IPCEF1: variants seen among roughly 807,000 people sequenced by gnomAD.
The protein encoded by IPCEF1 is interaction protein for cytohesin exchange factors 1.
IPCEF1 carries 31 observed loss-of-function variants against 50.9 expected under a neutral mutation model. That is an observed-to-expected ratio of 0.61 (90% CI 0.46 to 0.82). The LOEUF (loss-of-function observed/expected upper bound fraction) is 0.82. IPCEF1 is among the 40% of genes least tolerant of loss of function. IPCEF1 has a pLI of 0.00. For missense variants in IPCEF1, 458 were observed against 514.0 expected, an observed-to-expected ratio of 0.89 and a Z score of 1.05; for synonymous variants, 181 against 192.0, an observed-to-expected ratio of 0.94 and a Z score of 0.47.
chr6:154,243,946 G>T (rs1780808208), intron 5 of IPCEF1, among the ~76,000 whole-genome samples: 1 of 152,196 alleles, frequency 6.6e-6, no homozygotes. Flanking sequence ...TTGGCCTAGA[G>T]TAGACACTAA....
chr6:154,308,595 T>TTATAGATAAACGATGAATAAA (rs1487076873), intron 1 of IPCEF1, among the ~76,000 whole-genome samples: 1 of 152,192 alleles, frequency 6.6e-6, no homozygotes, highest in African/African-American at 2.4e-5. Flanking sequence ...TAAACATCGT[T>TTATAGATAAACGATGAATAAA]CTTTCAGCAA....
chr6:154,199,116 G>C (rs543185855), intron 10 of IPCEF1, among the ~76,000 whole-genome samples: 1 of 152,130 alleles, frequency 6.6e-6, no homozygotes, highest in African/African-American at 2.4e-5. Flanking sequence ...TTTTCTGAAC[G>C]CATGAGTTGT....
intron 3 of IPCEF1, among the ~76,000 whole-genome samples, chr6:154,253,589 G>A (rs1420061057): frequency 6.6e-6 from 1 of 152,104 alleles, no homozygotes; most frequent in East Asian, 1.9e-4. Flanking sequence ...TAACAATTTT[G>A]TATAACTTCC....
At chr6:154,287,714 C>A (rs1338441801) in intron 2 of IPCEF1, among the ~76,000 whole-genome samples, 1 of 152,190 alleles carries the variant, frequency 6.6e-6, no homozygotes, top group Non-Finnish European at 1.5e-5. Flanking sequence ...ACAAGCCATG[C>A]TCTTACTAGA....
rs149887206 is a variant in IPCEF1 at position 154,260,019 on chromosome 6, G to A, written c.36+5893C>T. Among the ~76,000 whole-genome samples, 106 of 152,348 alleles carry A rather than the reference G, an allele frequency of 7.0e-4. 1 individual carries two copies. In the East Asian group the frequency reaches 9.4e-3, roughly 14 times the overall value. On this transcript the variant is annotated intron_variant, in intron 3 of 11. Coordinates refer to ENST00000367220, the MANE Select transcript of IPCEF1 (RefSeq NM_001130700.2). Reference sequence around the variant, plus strand: ...TTCACACGACGAGCACGGAGATGGAGTGAGCGGTGAGACATGCATGTTTCA... The same window carrying A: ...TTCACACGACGAGCACGGAGATGGAATGAGCGGTGAGACATGCATGTTTCA...
chr6:154,186,853 G>A (rs1294537104), intron 10 of IPCEF1, among the ~76,000 whole-genome samples: 1 of 151,978 alleles, frequency 6.6e-6, no homozygotes, highest in Non-Finnish European at 1.5e-5. Flanking sequence ...ACCACGCCCG[G>A]CCCAGAGCAG....
chr6:154,238,484 T>C (rs559804653), intron 5 of IPCEF1, among the ~76,000 whole-genome samples: 1 of 152,282 alleles, frequency 6.6e-6, no homozygotes, highest in East Asian at 1.9e-4. Flanking sequence ...CAGGCTGGTC[T>C]CAAACTCCCG....
At chr6:154,173,097 TAACA>T (rs1800010655) in intron 10 of IPCEF1, among the ~76,000 whole-genome samples, 1 of 152,138 alleles carries the variant, frequency 6.6e-6, no homozygotes, top group African/African-American at 2.4e-5. Context: ...CAAGGAAAAC[TAACA>T]AACAGAAAGA....
At chr6:154,176,396 G>A (rs1322247808) in intron 10 of IPCEF1, among the ~76,000 whole-genome samples, 1 of 152,114 alleles carries the variant, frequency 6.6e-6, no homozygotes, top group Non-Finnish European at 1.5e-5. Flanking sequence ...TTTGTTTGTG[G>A]ATCACATGAT....
chr6:154,174,677 C>T (rs1410493806), intron 10 of IPCEF1, among the ~76,000 whole-genome samples: 1 of 152,096 alleles, frequency 6.6e-6, no homozygotes, highest in Non-Finnish European at 1.5e-5. Flanking sequence ...TAAAGCAAGT[C>T]CTTAGAGACC....
At position 154,257,691 on chromosome 6, in the gene IPCEF1, T is replaced by TTTTG. The variant is rs139964826; in HGVS notation, c.36+8217_36+8220dup. Among the ~76,000 whole-genome samples, 23 of 151,866 alleles carry TTTTG rather than the reference T, an allele frequency of 1.5e-4. No individual in the cohort carries two copies. In the East Asian group the frequency reaches 1.5e-3, roughly 10 times the overall value. On this transcript the variant is annotated intron_variant, in intron 3 of 11. Coordinates refer to ENST00000367220, the MANE Select transcript of IPCEF1 (RefSeq NM_001130700.2). ...TTTTTTGTTTTGTTTTGGTTTTGGGTTTTGTTTGTTTGTTTGTTTGTTTTT... is the reference window on the plus strand; with the variant it reads ...TTTTTTGTTTTGTTTTGGTTTTGGGTTTTGTTTGTTTGTTTGTTTGTTTGTTTTT...
At chr6:154,248,340 G>T (rs996906267) in intron 3 of IPCEF1, among the ~76,000 whole-genome samples, 1 of 112,092 alleles carries the variant, frequency 8.9e-6, no homozygotes, top group Non-Finnish European at 2.0e-5. Flanking sequence ...TGTGTGTGTA[G>T]AGAGAGAGAA....
intron 1 of IPCEF1, among the ~76,000 whole-genome samples, chr6:154,336,562 C>T (rs1783791549): frequency 6.6e-6 from 1 of 151,900 alleles, no homozygotes; most frequent in African/African-American, 2.4e-5. Flanking sequence ...TCAATGGATA[C>T]AAATATACAA....
intron 3 of IPCEF1, among the ~76,000 whole-genome samples, chr6:154,255,812 T>C (rs1300857057): frequency 6.6e-6 from 1 of 152,208 alleles, no homozygotes; most frequent in Non-Finnish European, 1.5e-5. Context: ...ATGCCATCTA[T>C]TGAGCTATTG....
chr6:154,239,170 A>C (rs1780377883), intron 5 of IPCEF1, among the ~76,000 whole-genome samples: 1 of 152,198 alleles, frequency 6.6e-6, no homozygotes, highest in African/African-American at 2.4e-5. Context: ...GTTAATTTTG[A>C]AAAGTTTGGA....
chr6:154,174,243 G>A (rs1245069673), intron 10 of IPCEF1, among the ~76,000 whole-genome samples: 1 of 152,130 alleles, frequency 6.6e-6, no homozygotes, highest in African/African-American at 2.4e-5. Context: ...GACCATCAAT[G>A]CTAGGAAGAA....
At position 154,350,369 on chromosome 6, in the gene IPCEF1, C is replaced by A. The variant is rs570388333; in HGVS notation, c.-62+6303G>T. Among the ~76,000 whole-genome samples the A allele has an allele frequency of 1.1e-3, 170 of 152,284 alleles. 1 individual carries two copies. The highest frequency in any genetic ancestry group is 3.2e-3 in the African/African-American group (132 of 41,562). ...ATAATCTGGGATCACTATCTAGACT[C>A]CATTTATGAAAGAAAATCTTTTATA... On this transcript the variant is annotated intron_variant, in intron 1 of 11. Coordinates refer to ENST00000367220, the MANE Select transcript of IPCEF1 (RefSeq NM_001130700.2).
intron 5 of IPCEF1, among the ~76,000 whole-genome samples, chr6:154,226,533 T>C (rs1193208228): frequency 1.3e-5 from 2 of 152,170 alleles, no homozygotes; most frequent in Non-Finnish European, 2.9e-5. Flanking sequence ...AGTTGTATAG[T>C]TGCTGCATCT....
intron 7 of IPCEF1, among the ~76,000 whole-genome samples, chr6:154,218,584 C>T (rs1033815479): frequency 1.3e-5 from 2 of 152,144 alleles, no homozygotes; most frequent in African/African-American, 4.8e-5. Flanking sequence ...TGGCTTAAAC[C>T]GGCTGCATCA....
Sources: gnomAD v4.1 joint callset for allele counts (sites outside exome capture counted in the v4.1 genomes callset) on GRCh38, gnomAD v4.1.1 for gene constraint, MANE v1.5 for transcripts, NCBI Gene and HGNC (gene_info 2026-07-23, HGNC 2026-07-21) for gene names.